KNL1: variants seen among roughly 807,000 people sequenced by gnomAD.
The protein encoded by KNL1 is outer kinetochore KNL1 complex subunit KNL1.
Under a neutral mutation model 201.3 loss-of-function variants are expected in KNL1, and 66 were observed. That is an observed-to-expected ratio of 0.33 (90% CI 0.27 to 0.40). The LOEUF is 0.40. Ranked by LOEUF, KNL1 falls within the 10% of genes least tolerant of loss-of-function variation. The pLI, the probability that KNL1 is intolerant of heterozygous loss-of-function variation, is 1.00. For missense variants in KNL1, 2,815 were observed against 2,690.5 expected, an observed-to-expected ratio of 1.05 and a Z score of -1.02; for synonymous variants, 895 against 899.2, an observed-to-expected ratio of 1.00 and a Z score of 0.08.
intron 1 of KNL1, among the ~76,000 whole-genome samples, chr15:40,596,085 A>G (rs932196520): frequency 6.6e-5 from 10 of 152,170 alleles, no homozygotes; most frequent in Admixed American, 5.9e-4. Flanking sequence ...TTGAGGACCT[A>G]CGGATTATTT....
chr15:40,599,484 AG>A (rs1441089321), intron 1 of KNL1, among the ~76,000 whole-genome samples: 1 of 148,742 alleles, frequency 6.7e-6, no homozygotes, highest in Non-Finnish European at 1.5e-5. Context: ...CCCAGGGTCA[AG>A]CGATCCTCCC....
intron 22 of KNL1, among the ~76,000 whole-genome samples, chr15:40,655,997 G>A (rs573037220): frequency 2.8e-4 from 42 of 152,082 alleles, no homozygotes; most frequent in African/African-American, 1.0e-3. Context: ...TTACTGTTAT[G>A]AGCACTTAGT....
chr15:40,606,060 C>G (rs1387330277), intron 3 of KNL1, among the ~76,000 whole-genome samples: 1 of 152,130 alleles, frequency 6.6e-6, no homozygotes, highest in Admixed American at 6.6e-5. Context: ...TGATATGGGT[C>G]AAGTCCTCAT....
chr15:40,607,499 A>G (rs1171721493), intron 4 of KNL1, among the ~76,000 whole-genome samples: 2 of 152,126 alleles, frequency 1.3e-5, no homozygotes, highest in East Asian at 1.9e-4. Context: ...ATGGTTAGGT[A>G]TTCAGAATTA....
chr15:40,637,371 T>G (rs1893088641), intron 13 of KNL1, among the ~76,000 whole-genome samples: 1 of 151,528 alleles, frequency 6.6e-6, no homozygotes, highest in Admixed American at 6.6e-5. Flanking sequence ...TAACAGCGTT[T>G]TTTTTTTTTA....
intron 13 of KNL1, among the ~76,000 whole-genome samples, chr15:40,638,670 T>C (rs12908316): frequency 0.38 from 57,832 of 150,410 alleles, 11,556 homozygotes; most frequent in Non-Finnish European, 0.44. Flanking sequence ...TTTTGTATTT[T>C]TTAGTAGAGA....
In KNL1 at chr15:40,621,572, C is replaced by T; in HGVS notation, c.1308C>T (p.Ala436=). ...TTTTCTATTCTAGTTGTAATGATGC[C>T]ATGGAAATGACCAAATGTCTCTCAA... is the stretch of plus-strand genomic sequence containing the variant. ...KTVFYSSCND[A]MEMTKCLSNM... Residue 436 remains alanine, a synonymous_variant, in exon 10 of 26, where the codon GCC becomes GCT. Transcript: ENST00000399668. 1.2e-6 allele frequency: 2 copies of T among 1,609,828 alleles called. No individual in the cohort carries two copies. The highest frequency in any genetic ancestry group is 1.7e-6 in the Non-Finnish European group (2 of 1,177,842).
rs148020248 is a variant in KNL1, at chr15:40,619,725, C to T, written c.375+714C>T. 3.9e-5 allele frequency among the ~76,000 whole-genome samples: 6 copies of T among 152,084 alleles called. No individual in the cohort carries two copies. The East Asian group carries it at 1.2e-3, about 29-fold the overall frequency. ...AGTCTAGAATGTAATATAGATTAGCCATCATGGGCTTATGTCTTTCCTAGA... is the reference window on the plus strand; with the variant it reads ...AGTCTAGAATGTAATATAGATTAGCTATCATGGGCTTATGTCTTTCCTAGA... On this transcript the variant is annotated intron_variant, in intron 9 of 25. Coordinates refer to ENST00000399668, the MANE Select transcript of KNL1 (RefSeq NM_144508.5).
chr15:40,605,360 T>C (rs918814969), intron 3 of KNL1, among the ~76,000 whole-genome samples: 11 of 152,232 alleles, frequency 7.2e-5, no homozygotes, highest in Non-Finnish European at 1.3e-4. Flanking sequence ...TTATGAATTT[T>C]ATGCTATGTA....
intron 17 of KNL1, 57 bp downstream of exon 17, chr15:40,647,131 C>T (rs1276103772): frequency 7.1e-6 from 6 of 841,686 alleles, no homozygotes; most frequent in Non-Finnish European, 1.2e-5. Flanking sequence ...AAATGCTCTC[C>T]TACAGTAGAG....
Position 40,621,432 on chromosome 15 carries a change from A to G in KNL1, c.1168A>G (p.Ile390Val). The part of the protein sequence containing the change: ...ADKIHITRSH[I>V]MGAETHIVSQ... ...CAAAATACATATTACCAGAAGTCAT[A>G]TTATGGGGGCAGAAACTCACATAGT... is the stretch of plus-strand genomic sequence containing the variant. The change falls in exon 10 of 26, where the codon ATT (isoleucine) becomes GTT (valine). Residue 390 changes from isoleucine (I) to valine (V), a missense_variant. Physicochemically the swap from Ile to Val is conservative, Grantham distance 29 (BLOSUM62 3). Coordinates refer to ENST00000399668, the MANE Select transcript of KNL1 (RefSeq NM_144508.5). The G allele has an allele frequency of 6.2e-7, 1 of 1,613,800 alleles. No individual in the cohort carries two copies. Among genetic ancestry groups the G allele is most frequent in the Non-Finnish European group, 8.5e-7 (1 of 1,179,892 alleles).
At chr15:40,656,964 A>G (rs1478370584) in intron 22 of KNL1, 78 bp from the exon 23 acceptor site, 3 of 621,942 alleles carry the variant, frequency 4.8e-6, no homozygotes, top group African/African-American at 3.7e-5. Flanking sequence ...AGCTTATATA[A>G]TATAGTATTT....
intron 3 of KNL1, 64 bp from the exon 4 acceptor site, chr15:40,606,329 G>A (rs536897838): frequency 1.2e-4 from 120 of 991,888 alleles, no homozygotes; most frequent in Middle Eastern, 8.2e-4. Context: ...GATATAACTT[G>A]AAATAAACTG....
In KNL1 at chr15:40,621,589, G is replaced by A. The variant is rs764334731; in HGVS notation, c.1325G>A (p.Cys442Tyr). 4 of 1,609,692 alleles carry A rather than the reference G, an allele frequency of 2.5e-6. No homozygotes were observed. Among genetic ancestry groups the A allele is most frequent in the Admixed American group, 1.7e-5 (1 of 59,338 alleles). The change falls in exon 10 of 26, where the codon TGT becomes TAT. Residue 442 changes from cysteine to tyrosine, a missense_variant. This residue lies in a region of KNL1 where 2,464 missense variants were observed against 2,291.7 expected (regional missense o/e 1.08). Coordinates refer to ENST00000399668, the MANE Select transcript of KNL1 (RefSeq NM_144508.5). ...AATGATGCCATGGAAATGACCAAAT[G>A]TCTCTCAAATATGAGAGAGGAGAAA... The part of the protein sequence containing the change: ...SCNDAMEMTK[C>Y]LSNMREEKNL...
Position 40,629,345 on chromosome 15 carries a change from C to A in KNL1, c.5656C>A (p.Pro1886Thr), listed in dbSNP as rs760764598. Residue 1886 changes from proline to threonine, a missense_variant, in exon 13 of 26, where the codon CCC becomes ACC. Physicochemically the swap from Pro to Thr is conservative, Grantham distance 38. Transcript: ENST00000399668. ...LLQVHILIQK[P>T]RQSNLPGNFT... ...CCAGGTCCACATCTTGATACAGAAACCCCGACAGAGCAATCTCCCAGGCAA... is the reference window on the plus strand; with the variant it reads ...CCAGGTCCACATCTTGATACAGAAAACCCGACAGAGCAATCTCCCAGGCAA... 3 of 1,605,550 alleles carry A rather than the reference C, an allele frequency of 1.9e-6. No individual in the cohort carries two copies. Among genetic ancestry groups the A allele is most frequent in the Non-Finnish European group, 2.5e-6 (3 of 1,177,936 alleles).
At chr15:40,609,000 T>G (rs1338667286) in intron 5 of KNL1, 92 bp downstream of exon 5, 1 of 800,098 alleles carries the variant, frequency 1.2e-6, no homozygotes, top group African/African-American at 1.7e-5. Flanking sequence ...AATAATCTGT[T>G]TTGATTAAAC....
intron 13 of KNL1, among the ~76,000 whole-genome samples, chr15:40,636,324 G>A (rs1358846634): frequency 1.3e-5 from 2 of 152,202 alleles, no homozygotes; most frequent in Admixed American, 6.5e-5. Flanking sequence ...CATTCAATAT[G>A]TGCTTGCTGT....
At chr15:40,654,332 T>A (rs1246531576) in intron 21 of KNL1, among the ~76,000 whole-genome samples, 1 of 152,084 alleles carries the variant, frequency 6.6e-6, no homozygotes, top group African/African-American at 2.4e-5. Flanking sequence ...AAAATTATCT[T>A]TGCACAGAAG....
At chr15:40,660,060 C>G (rs980916803) in intron 25 of KNL1, among the ~76,000 whole-genome samples, 1 of 151,806 alleles carries the variant, frequency 6.6e-6, no homozygotes, top group African/African-American at 2.4e-5. Context: ...TAAAGGCAAG[C>G]GCCACCACAC....
Sources: allele counts gnomAD v4.1 joint callset (sites outside exome capture counted in the v4.1 genomes callset), GRCh38; gene constraint gnomAD v4.1.1; regional missense constraint gnomAD v4.1.1; transcripts MANE v1.5; gene names NCBI Gene and HGNC (gene_info 2026-07-23, HGNC 2026-07-21).